AHNAK: variants seen among roughly 807,000 people sequenced by gnomAD.
AHNAK encodes AHNAK nucleoprotein, also known as neuroblast differentiation-associated protein AHNAK.
Under a neutral mutation model 37.8 loss-of-function variants are expected in AHNAK, and 23 were observed. The observed-to-expected ratio is 0.61, with a 90% CI of 0.44 to 0.86. The LOEUF is 0.86. AHNAK is among the 40% of genes least tolerant of loss of function. The pLI is 0.00. For missense variants in AHNAK, 7,411 were observed against 7,319.4 expected (o/e 1.01, Z -0.46); for synonymous variants, 2,481 against 2,636.3 (o/e 0.94, Z 1.80).
chr11:62,475,303 C>CA (rs35747698), intron 5 of AHNAK, among the ~76,000 whole-genome samples: 54,627 of 151,428 alleles, frequency 0.36, 12,410 homozygotes, highest in Non-Finnish European at 0.52. Flanking sequence ...GACTTTGTCT[C>CA]AAAAAAAAGG....
Position 62,525,593 on chromosome 11 carries a change from G to C in AHNAK, c.8824C>G (p.Pro2942Ala). 6.2e-7 allele frequency: 1 copy of C among 1,613,278 alleles called. No homozygotes were observed. The highest frequency in any genetic ancestry group is 8.5e-7 in the Non-Finnish European group (1 of 1,179,876). ...TTGGGCCCTTTCAACTTTCCCTCTG[G>C]TCCTTCAATGTTAACATCAGGGCCT... ...VEGPDVNIEG[P>A]EGKLKGPKFK... The change falls in exon 5 of 5, where the codon CCA becomes GCA. Residue 2942 changes from proline (P) to alanine (A), a missense_variant. Coordinates refer to ENST00000378024, the MANE Select transcript of AHNAK (RefSeq NM_001620.3).
chr11:62,520,993 C>T lies in AHNAK; in HGVS notation c.13424G>A (p.Gly4475Asp). ...DLHLKGPKVK[G>D]DVDVSLPKVE... ...CTTAGGTAGTGAAACATCCACATCA[C>T]CCTTCACCTTGGGACCTTTCAGGTG... The change falls in exon 5 of 5, where the codon GGT becomes GAT. Residue 4475 changes from glycine to aspartate, a missense_variant. Coordinates refer to ENST00000378024, the MANE Select transcript of AHNAK (RefSeq NM_001620.3). 1.2e-6 allele frequency: 2 copies of T among 1,614,146 alleles called. No homozygotes were observed. Among genetic ancestry groups the T allele is most frequent in the Non-Finnish European group, 8.5e-7 (1 of 1,180,032 alleles).
At chr11:62,538,827 A>G (rs968843152) in intron 1 of AHNAK, among the ~76,000 whole-genome samples, 18 of 152,210 alleles carry the variant, frequency 1.2e-4, no homozygotes, top group African/African-American at 3.6e-4. Context: ...TTCTAGGGGA[A>G]ATGAAATATA....
chr11:62,456,318 G>A (rs1041013933), intron 5 of AHNAK, among the ~76,000 whole-genome samples: 6 of 152,210 alleles, frequency 3.9e-5, no homozygotes, highest in Non-Finnish European at 7.3e-5. Context: ...GCCACTTTCT[G>A]TGGCTGATAA....
chr11:62,473,999 CAA>C (rs879305744), intron 5 of AHNAK, among the ~76,000 whole-genome samples: 2 of 125,152 alleles, frequency 1.6e-5, no homozygotes, highest in Non-Finnish European at 1.7e-5. Flanking sequence ...TACCCTGTCT[CAA>C]AAAAAAAAAA....
intron 4 of AHNAK, among the ~76,000 whole-genome samples, chr11:62,502,624 A>G (rs1939733789): frequency 6.6e-6 from 1 of 152,202 alleles, no homozygotes; most frequent in Admixed American, 6.5e-5. Context: ...GCAGACAGAC[A>G]AGCCATTGGC....
intron 5 of AHNAK, among the ~76,000 whole-genome samples, chr11:62,452,555 G>T (rs1656768737): frequency 6.6e-6 from 1 of 152,102 alleles, no homozygotes; most frequent in South Asian, 2.1e-4. Flanking sequence ...AGTCACCCAG[G>T]GACGGCCTCA....
At chr11:62,462,963 T>A (rs1278499911) in intron 5 of AHNAK, among the ~76,000 whole-genome samples, 1 of 151,928 alleles carries the variant, frequency 6.6e-6, no homozygotes, top group African/African-American at 2.4e-5. Context: ...AAACCCCGTC[T>A]CTACTAAAAA....
At chr11:62,477,903 T>A (rs961766467) in intron 5 of AHNAK, among the ~76,000 whole-genome samples, 2 of 152,010 alleles carry the variant, frequency 1.3e-5, no homozygotes, top group African/African-American at 2.4e-5. Context: ...GGAAGATAAT[T>A]GGCTTAGGGG....
At chr11:62,534,763 C>T (rs573489153) in intron 4 of AHNAK, among the ~76,000 whole-genome samples, 3 of 152,236 alleles carry the variant, frequency 2.0e-5, no homozygotes, top group African/African-American at 4.8e-5. Flanking sequence ...CAAGTCAGTT[C>T]CCATACTGTG....
At position 62,527,202 on chromosome 11, in the gene AHNAK, A is replaced by G. The variant is rs1023435150; in HGVS notation, c.7215T>C (p.Asp2405=). Residue 2405 remains aspartate (D), a synonymous_variant, in exon 5 of 5, where the codon GAT becomes GAC. Coordinates refer to ENST00000378024, the MANE Select transcript of AHNAK (RefSeq NM_001620.3). ...CCCCTTCCAATTTGGGAACATCTAC[A>G]TCCACCTCTCCTTTTGCCTTGGGGC... ...LKSPKAKGEV[D]VDVPKLEGDL... The G allele has an allele frequency of 6.2e-7, 1 of 1,611,814 alleles. No individual in the cohort carries two copies. Among genetic ancestry groups the G allele is most frequent in the Admixed American group, 1.7e-5 (1 of 59,740 alleles).
chr11:62,455,204 A>G (rs1471082619), intron 5 of AHNAK, among the ~76,000 whole-genome samples: 4 of 149,794 alleles, frequency 2.7e-5, no homozygotes, highest in Admixed American at 1.3e-4. Flanking sequence ...AAGTGCTGGG[A>G]TTACAGGCAT....
chr11:62,459,060 G>A (rs1477940421), intron 5 of AHNAK, among the ~76,000 whole-genome samples: 1 of 152,084 alleles, frequency 6.6e-6, no homozygotes, highest in Non-Finnish European at 1.5e-5. Context: ...AGTTTACAGG[G>A]CAAACTGGGA....
chr11:62,473,600 G>C (rs1939085136), intron 5 of AHNAK, among the ~76,000 whole-genome samples: 1 of 151,830 alleles, frequency 6.6e-6, no homozygotes, highest in Admixed American at 6.6e-5. Context: ...CAGGAGACTG[G>C]CGTGAACCTG....
intron 5 of AHNAK, among the ~76,000 whole-genome samples, chr11:62,462,055 C>T (rs71490382): frequency 6.6e-6 from 1 of 152,172 alleles, no homozygotes; most frequent in Non-Finnish European, 1.5e-5. Context: ...CTAAAATGGC[C>T]TCTTGGCCCC....
intron 4 of AHNAK, among the ~76,000 whole-genome samples, chr11:62,495,733 G>A (rs1439282281): frequency 1.5e-5 from 2 of 129,218 alleles, no homozygotes; most frequent in African/African-American, 3.3e-5. Flanking sequence ...GCGAGACTCC[G>A]TCTCAAAAAA....
At chr11:62,433,861 G>C in exon 6 of AHNAK, 1 of 1,613,774 alleles carries the variant, frequency 6.2e-7, no homozygotes, top group South Asian at 1.1e-5. Context: ...CTTAAGAGGG[G>C]GTGGTTTTCT....
rs1940130933 is a variant in AHNAK, at chr11:62,519,042, A to T, written c.15375T>A (p.Ser5125=). Residue 5125 remains serine, a synonymous_variant, in exon 5 of 5, where the codon TCT becomes TCA. Transcript: ENST00000378024. Reference sequence around the variant, plus strand: ...GACCTTCGACGTGAATCGCTGGCAAAGAAAGTTCCAGATCAGGTGCCTGGA... The same window carrying T: ...GACCTTCGACGTGAATCGCTGGCAATGAAAGTTCCAGATCAGGTGCCTGGA... ...GELQAPDLEL[S]LPAIHVEGLD... is the part of the protein sequence containing the mutation. The T allele has an allele frequency of 6.2e-7, 1 of 1,613,088 alleles. No individual in the cohort carries two copies.
intron 4 of AHNAK, among the ~76,000 whole-genome samples, chr11:62,502,308 CAGCCAA>C (rs1939727718): frequency 1.3e-5 from 2 of 152,232 alleles, no homozygotes; most frequent in Non-Finnish European, 2.9e-5. Context: ...TCAAGGAAAG[CAGCCAA>C]AGTGCAAAAC....
Sources: gnomAD v4.1 joint callset for allele counts (sites outside exome capture counted in the v4.1 genomes callset) on GRCh38, gnomAD v4.1.1 for gene constraint, MANE v1.5 for transcripts, NCBI Gene and HGNC (gene_info 2026-07-23, HGNC 2026-07-21) for gene names.